The following ELN variants were observed in gnomAD, a reference collection of about 807,000 sequenced individuals.
ELN encodes the protein tropoelastin.
ELN carries 65 observed loss-of-function variants against 105.8 expected under a neutral mutation model. The ratio of observed to expected loss-of-function variants is 0.61; its 90% CI spans 0.50 to 0.75. The LOEUF (loss-of-function observed/expected upper bound fraction) is 0.75, where lower values mean the gene tolerates loss of function less well. Among genes scored for constraint, ELN ranks in the 30% least tolerant of loss-of-function variants. ELN has a pLI of 0.00. For synonymous variants in ELN, 368 were observed against 389.2 expected, an observed-to-expected ratio of 0.95 and a Z score of 0.64; for missense variants, 882 against 969.4, an observed-to-expected ratio of 0.91 and a Z score of 1.20.
At chr7:74,051,727 T>C (rs782467022) in intron 15 of ELN, 23 bp from the exon 16 acceptor site, 9 of 1,613,834 alleles carry the variant, frequency 5.6e-6, no homozygotes, top group Middle Eastern at 1.7e-4. Flanking sequence ...GGAAACTACA[T>C]TGCACTGTCC....
At position 74,037,775 on chromosome 7, in the gene ELN, G is replaced by A. The variant is rs141089547; in HGVS notation, c.196+36G>A. ...AGGCCTCGGAGCATTGAGAGACAGC[G>A]AGGGAGCTGGGGAGGGAGGAGCCTA... is the stretch of plus-strand genomic sequence containing the variant. On this transcript the variant is annotated intron_variant, in intron 4 of 32. Coordinates refer to ENST00000252034, the MANE Select transcript of ELN (RefSeq NM_000501.4). 185 of 1,605,854 alleles carry A rather than the reference G, an allele frequency of 1.2e-4. 2 individuals are homozygous for A. In the East Asian group the frequency reaches 3.9e-3, roughly 34 times the overall value.
rs901227406 is a variant in ELN at position 74,069,603 on chromosome 7, G to A, written c.*903G>A. 2.1e-5 allele frequency: 5 copies of A among 233,440 alleles called. No individual in the cohort carries two copies. Among genetic ancestry groups the A allele is most frequent in the African/African-American group, 1.1e-4 (5 of 45,298 alleles). 14.5% of individuals were successfully genotyped at this position (233,440 alleles called of 1,614,324 possible). The stretch of plus-strand genomic sequence containing the variant: ...CCTCGGTCCACTGAACTTCAGAGCA[G>A]TTCCCATTCCTGCCCCGCCCATCTT... On this transcript the variant is annotated 3_prime_UTR_variant, in exon 33 of 33. Coordinates refer to ENST00000252034, the MANE Select transcript of ELN (RefSeq NM_000501.4).
chr7:74,051,427 G>A (rs1794004728), intron 15 of ELN, among the ~76,000 whole-genome samples: 2 of 152,242 alleles, frequency 1.3e-5, no homozygotes, highest in Admixed American at 1.3e-4. Context: ...ACAGGGAGAG[G>A]AAGTCTTGAA....
At chr7:74,067,424 C>T (rs1468286973) in intron 32 of ELN, among the ~76,000 whole-genome samples, 20 of 151,774 alleles carry the variant, frequency 1.3e-4, no homozygotes, top group Non-Finnish European at 1.9e-4. Context: ...TACACCACTA[C>T]GCCCAGCTAA....
chr7:74,061,227 G>T, intron 26 of ELN, 88 bp downstream of exon 26: 2 of 1,574,110 alleles, frequency 1.3e-6, no homozygotes, highest in Non-Finnish European at 1.7e-6. Flanking sequence ...ATAGAAAAAG[G>T]CAGTTTCGGC....
In ELN at chr7:74,051,732, C is replaced by T; in HGVS notation, c.800-18C>T. ...AGGGTCCTTGGGAAACTACATTGCA[C>T]TGTCCCCATCTCAACAGGTGCTGGA... On this transcript the variant is annotated intron_variant, in intron 15 of 32. Coordinates refer to ENST00000252034, the MANE Select transcript of ELN (RefSeq NM_000501.4). The T allele has an allele frequency of 6.2e-7, 1 of 1,614,082 alleles. No homozygotes were observed. Among genetic ancestry groups the T allele is most frequent in the East Asian group, 2.2e-5 (1 of 44,882 alleles).
At chr7:74,044,016 C>G (rs1791879016) in intron 9 of ELN, 96 bp downstream of exon 9, 1 of 1,516,144 alleles carries the variant, frequency 6.6e-7, no homozygotes, top group East Asian at 2.3e-5. Flanking sequence ...GAGACTGAGG[C>G]AGGAGGATGG....
chr7:74,056,544 A>G, intron 20 of ELN, 109 bp downstream of exon 20: 1 of 1,601,280 alleles, frequency 6.2e-7, no homozygotes, highest in Admixed American at 1.7e-5. Flanking sequence ...GAATGTGCTC[A>G]GGGAGGAGTT....
intron 15 of ELN, 99 bp downstream of exon 15, chr7:74,048,655 C>A (rs1793145136): frequency 1.4e-6 from 2 of 1,422,266 alleles, no homozygotes; most frequent in Non-Finnish European, 1.9e-6. Flanking sequence ...CCCCTACATA[C>A]CCCCATTTAC....
At position 74,069,522 on chromosome 7, in the gene ELN, A is replaced by T. The variant is rs1798644832; in HGVS notation, c.*822A>T. 1 of 233,390 alleles carries T rather than the reference A, an allele frequency of 4.3e-6. No homozygotes were observed. Among genetic ancestry groups the T allele is most frequent in the South Asian group, 1.8e-4 (1 of 5,526 alleles). 14.5% of individuals were successfully genotyped at this position (233,390 alleles called of 1,614,324 possible). A position where few individuals can be genotyped will look rare whatever the true frequency, so the allele number is the denominator to read the frequency against. ...GGCTGTGCAGACTGGGGTGCCAGGC[A>T]TCTCCTCCCCACCCGGGGTGTCCCC... is the stretch of plus-strand genomic sequence containing the variant. On this transcript the variant is annotated 3_prime_UTR_variant, in exon 33 of 33. Coordinates refer to ENST00000252034, the MANE Select transcript of ELN (RefSeq NM_000501.4).
Position 74,056,716 on chromosome 7 carries a change from A to G in ELN, c.1357+3A>G. 1 of 1,613,778 alleles carries G rather than the reference A, an allele frequency of 6.2e-7. No individual in the cohort carries two copies. Among genetic ancestry groups the G allele is most frequent in the South Asian group, 1.1e-5 (1 of 91,088 alleles). On this transcript the variant is annotated splice_donor_region_variant and intron_variant, in intron 21 of 32. Transcript: ENST00000252034. Reference sequence around the variant, plus strand: ...TGCCGCCAAGGCTGCCAAGTACGGTAAGTGCCCCTGCCCTGCCTGTCCCCA... The same window carrying G: ...TGCCGCCAAGGCTGCCAAGTACGGTGAGTGCCCCTGCCCTGCCTGTCCCCA...
At chr7:74,046,556 G>C in intron 11 of ELN, 140 bp from the exon 12 acceptor site, 2 of 872,208 alleles carry the variant, frequency 2.3e-6, no homozygotes, top group Non-Finnish European at 1.9e-6. Context: ...ACCCATGATG[G>C]AGATTCAGGG....
chr7:74,060,535 C>T, intron 25 of ELN, 34 bp downstream of exon 25: 1 of 1,614,194 alleles, frequency 6.2e-7, no homozygotes, highest in East Asian at 2.2e-5. Flanking sequence ...AGCCTGTCCC[C>T]TGAGCTCAGG....
chr7:74,065,585 GC>G, intron 29 of ELN, 108 bp from the exon 30 acceptor site: 1 of 1,350,800 alleles, frequency 7.4e-7, no homozygotes, highest in Non-Finnish European at 1.0e-6. Flanking sequence ...CTGCACTCCA[GC>G]CCAGGCGAAG....
intron 5 of ELN, among the ~76,000 whole-genome samples, chr7:74,042,273 A>G (rs1791409024): frequency 6.6e-6 from 1 of 151,478 alleles, no homozygotes; most frequent in African/African-American, 2.4e-5. Flanking sequence ...TACAAAAAAA[A>G]AAAAATTTGC....
In ELN at chr7:74,045,254, G is replaced by T; in HGVS notation, c.502G>T (p.Gly168Ter). The T allele has an allele frequency of 6.2e-7, 1 of 1,614,138 alleles. No individual in the cohort carries two copies. The highest frequency in any genetic ancestry group is 8.5e-7 in the Non-Finnish European group (1 of 1,180,030). The change falls in exon 10 of 33, where the codon GGA becomes TGA. Residue 168 changes from glycine to a stop codon, truncating the protein, a stop_gained. Transcript: ENST00000252034. LOFTEE classifies it high-confidence loss of function. ...ARFPGVGVLP[G>*]VPTGAGVKPK... Reference sequence around the variant, plus strand: ...GTTCCCCGGTGTGGGGGTGCTCCCTGGAGTTCCCACTGGAGCAGGAGTTAA... The same window carrying T: ...GTTCCCCGGTGTGGGGGTGCTCCCTTGAGTTCCCACTGGAGCAGGAGTTAA...
chr7:74,059,119 C>T (rs1016025378), intron 22 of ELN, among the ~76,000 whole-genome samples: 5 of 152,036 alleles, frequency 3.3e-5, no homozygotes, highest in Non-Finnish European at 5.9e-5. Context: ...GATCCTCCCA[C>T]ATTGGCCTCT....
chr7:74,050,882 C>G (rs1388229693), intron 15 of ELN, among the ~76,000 whole-genome samples: 25 of 152,064 alleles, frequency 1.6e-4, no homozygotes, highest in Admixed American at 1.6e-3. Context: ...GTGGTTAAAA[C>G]AGGAAAGAGG....
Position 74,053,306 on chromosome 7 carries a change from C to T in ELN, c.1093C>T (p.Pro365Ser). ...PGAGIPGAAV[P>S]GVVSPEAAAK... ...TGCTGGGATCCCAGGTGCTGCGGTT[C>T]CAGGTGAGCTGGGCTGTGTGTGTGT... The change falls in exon 18 of 33, where the codon CCA (proline) becomes TCA (serine). Residue 365 changes from proline (P) to serine (S), a missense_variant. Transcript: ENST00000252034. 1 of 1,608,716 alleles carries T rather than the reference C, an allele frequency of 6.2e-7. No homozygotes were observed. Among genetic ancestry groups the T allele is most frequent in the South Asian group, 1.1e-5 (1 of 90,776 alleles).
Sources: allele counts gnomAD v4.1 joint callset (sites outside exome capture counted in the v4.1 genomes callset), GRCh38; gene constraint gnomAD v4.1.1; transcripts MANE v1.5; gene names NCBI Gene and HGNC (gene_info 2026-07-23, HGNC 2026-07-21).